Variants in COMMD10 observed in about 807,000 individuals in gnomAD.
COMMD10 encodes the protein COMM domain-containing protein 10.
Under a neutral mutation model 28.9 loss-of-function variants are expected in COMMD10, and 33 were observed. That is an observed-to-expected ratio of 1.14 (90% CI 0.87 to 1.53). The LOEUF is 1.53. COMMD10 is among the 40% of genes most tolerant of loss of function. The pLI is 0.00. For synonymous variants in COMMD10, 110 were observed against 81.7 expected (o/e 1.35, Z -1.87); for missense variants, 310 against 233.4 (o/e 1.33, Z -2.14).
chr5:116,246,859 A>G (rs1044900115), intron 5 of COMMD10, among the ~76,000 whole-genome samples: 1 of 152,160 alleles, frequency 6.6e-6, no homozygotes, highest in African/African-American at 2.4e-5. Flanking sequence ...TGTAAAGCAC[A>G]AAAGTATAAA....
chr5:116,206,268 A>G (rs1748811087), intron 5 of COMMD10, among the ~76,000 whole-genome samples: 1 of 152,188 alleles, frequency 6.6e-6, no homozygotes, highest in African/African-American at 2.4e-5. Flanking sequence ...GTAGCCTTAG[A>G]GTTGAAACAG....
intron 5 of COMMD10, among the ~76,000 whole-genome samples, chr5:116,236,097 G>A (rs1749653000): frequency 6.6e-6 from 1 of 152,126 alleles, no homozygotes; most frequent in Non-Finnish European, 1.5e-5. Flanking sequence ...AACAGAAGAA[G>A]TAGAGCAGAG....
At chr5:116,154,477 C>T (rs927693143) in intron 5 of COMMD10, among the ~76,000 whole-genome samples, 2 of 152,010 alleles carry the variant, frequency 1.3e-5, no homozygotes, top group Non-Finnish European at 2.9e-5. Flanking sequence ...GCAAACATGA[C>T]CTGTTTTCTG....
intron 5 of COMMD10, among the ~76,000 whole-genome samples, chr5:116,270,117 A>G (rs1750715376): frequency 6.6e-6 from 1 of 151,746 alleles, no homozygotes; most frequent in African/African-American, 2.4e-5. Flanking sequence ...ATTGTTTCTT[A>G]TTTCCTACTT....
chr5:116,232,121 A>T (rs1749543796), intron 5 of COMMD10, among the ~76,000 whole-genome samples: 1 of 152,172 alleles, frequency 6.6e-6, no homozygotes, highest in Admixed American at 6.6e-5. Context: ...CCTGCTTCTG[A>T]TGCTAAACAG....
chr5:116,291,484 C>T (rs749473454), intron 5 of COMMD10, 33 bp from the exon 6 acceptor site: 2 of 1,470,228 alleles, frequency 1.4e-6, no homozygotes, highest in South Asian at 1.2e-5. Context: ...TTGTGTGCAA[C>T]TACATTCTTT....
At chr5:116,191,936 G>T (rs542210391) in intron 5 of COMMD10, among the ~76,000 whole-genome samples, 2 of 150,656 alleles carry the variant, frequency 1.3e-5, no homozygotes, top group African/African-American at 4.9e-5. Flanking sequence ...ACTGGAACAG[G>T]TGCTGGTATC....
At chr5:116,099,409 T>A (rs1750578831) in intron 4 of COMMD10, among the ~76,000 whole-genome samples, 1 of 131,758 alleles carries the variant, frequency 7.6e-6, no homozygotes, top group Non-Finnish European at 1.7e-5. Context: ...GCAGTGAACA[T>A]GAGGGTGCAG....
chr5:116,143,011 C>T (rs1423683099), intron 5 of COMMD10, among the ~76,000 whole-genome samples: 6 of 146,502 alleles, frequency 4.1e-5, no homozygotes, highest in African/African-American at 7.5e-5. Context: ...CAAGGTTTTA[C>T]GTTTTCTAAA....
At chr5:116,099,592 T>C (rs1032582935) in intron 4 of COMMD10, among the ~76,000 whole-genome samples, 1 of 152,208 alleles carries the variant, frequency 6.6e-6, no homozygotes, top group Non-Finnish European at 1.5e-5. Flanking sequence ...TTCTCTGCTG[T>C]CTTCCTAACA....
intron 5 of COMMD10, among the ~76,000 whole-genome samples, chr5:116,169,965 C>T (rs1434066557): frequency 6.6e-6 from 1 of 152,076 alleles, no homozygotes; most frequent in Admixed American, 6.5e-5. Context: ...CCCTATTCAT[C>T]ATAGTATGGG....
At chr5:116,109,035 T>C (rs1217509040) in intron 4 of COMMD10, among the ~76,000 whole-genome samples, 2 of 152,136 alleles carry the variant, frequency 1.3e-5, no homozygotes, top group Non-Finnish European at 2.9e-5. Context: ...TCCACTGTCC[T>C]ATCAGTCCCA....
chr5:116,123,651 C>CTCCT (rs2112755619), intron 4 of COMMD10, among the ~76,000 whole-genome samples: 1 of 152,256 alleles, frequency 6.6e-6, no homozygotes, highest in East Asian at 1.9e-4. Context: ...ATGGTACCAG[C>CTCCT]TCCTCCTTGT....
At chr5:116,138,792 T>G (rs1307916853) in intron 5 of COMMD10, among the ~76,000 whole-genome samples, 1 of 151,754 alleles carries the variant, frequency 6.6e-6, no homozygotes, top group Non-Finnish European at 1.5e-5. Flanking sequence ...GACTTAGAGC[T>G]CTTCATTCTT....
intron 5 of COMMD10, among the ~76,000 whole-genome samples, chr5:116,238,123 A>T (rs1749722081): frequency 6.6e-6 from 1 of 152,200 alleles, no homozygotes; most frequent in Non-Finnish European, 1.5e-5. Flanking sequence ...ATCGCCTTGA[A>T]CTGTTTAGAC....
intron 5 of COMMD10, among the ~76,000 whole-genome samples, chr5:116,271,158 T>C (rs1750741431): frequency 2.7e-5 from 4 of 150,718 alleles, no homozygotes; most frequent in Non-Finnish European, 5.9e-5. Context: ...AAATAAAGTG[T>C]ATATTAAAGA....
intron 5 of COMMD10, among the ~76,000 whole-genome samples, chr5:116,177,281 A>G (rs1468792134): frequency 6.9e-6 from 1 of 144,686 alleles, no homozygotes; most frequent in Non-Finnish European, 1.5e-5. Flanking sequence ...GAGAAAGGAA[A>G]GAAAGAGACA....
chr5:116,276,852 C>T (rs72808911), intron 5 of COMMD10, among the ~76,000 whole-genome samples: 59 of 151,524 alleles, frequency 3.9e-4, no homozygotes, highest in Non-Finnish European at 7.1e-4. Context: ...TACCTAGGAC[C>T]GGGAGAGGAG....
At chr5:116,093,736 G>C (rs10477549) in intron 4 of COMMD10, among the ~76,000 whole-genome samples, 1,535 of 152,258 alleles carry the variant, frequency 0.01, 31 homozygotes, top group African/African-American at 0.035. Context: ...TAAGCAAAAA[G>C]AACAAAGCTG....
Sources: gnomAD v4.1 joint callset for allele counts (sites outside exome capture counted in the v4.1 genomes callset) on GRCh38, gnomAD v4.1.1 for gene constraint, MANE v1.5 for transcripts, NCBI Gene and HGNC (gene_info 2026-07-23, HGNC 2026-07-21) for gene names.